LRRC4C: variants seen among roughly 807,000 people sequenced by gnomAD.
The protein encoded by LRRC4C is leucine rich repeat containing 4C.
In LRRC4C, 5 loss-of-function variants were observed where a neutral mutation model predicts 33.6. That is an observed-to-expected ratio of 0.15 (90% CI 0.08 to 0.31). LRRC4C has a LOEUF of 0.31. LRRC4C is among the 10% of genes least tolerant of loss of function. The pLI is 1.00. For synonymous variants in LRRC4C, 329 were observed against 302.0 expected, an observed-to-expected ratio of 1.09 and a Z score of -0.93; for missense variants, 560 against 796.7, an observed-to-expected ratio of 0.70 and a Z score of 3.58.
intron 1 of LRRC4C, among the ~76,000 whole-genome samples, chr11:41,313,629 T>A (rs1184302919): frequency 6.6e-6 from 1 of 152,204 alleles, no homozygotes. Flanking sequence ...CAAATGATTG[T>A]TAAAGGGTCT....
chr11:41,097,800 T>C (rs941680675), intron 1 of LRRC4C, among the ~76,000 whole-genome samples: 1 of 152,060 alleles, frequency 6.6e-6, no homozygotes, highest in African/African-American at 2.4e-5. Context: ...AAGGACTTAT[T>C]TCCTAAATCA....
intron 1 of LRRC4C, among the ~76,000 whole-genome samples, chr11:40,963,207 A>G (rs1317546101): frequency 6.6e-6 from 1 of 151,750 alleles, no homozygotes; most frequent in Non-Finnish European, 1.5e-5. Flanking sequence ...TGCTATGTTA[A>G]CATAACACCA....
chr11:40,768,327 C>G (rs9645638), intron 2 of LRRC4C, among the ~76,000 whole-genome samples: 11 of 151,806 alleles, frequency 7.2e-5, no homozygotes, highest in African/African-American at 2.7e-4. Flanking sequence ...TAATAACAAG[C>G]CTCCTGGCCA....
intron 2 of LRRC4C, among the ~76,000 whole-genome samples, chr11:40,739,029 A>ATGTG (rs746979119): frequency 0.059 from 8,145 of 137,220 alleles, 313 homozygotes; most frequent in African/African-American, 0.12. Context: ...GTGTGTGTGT[A>ATGTG]TGTGTGTGTG....
chr11:40,917,868 A>G (rs1029104941), intron 2 of LRRC4C, among the ~76,000 whole-genome samples: 2 of 152,148 alleles, frequency 1.3e-5, no homozygotes, highest in African/African-American at 4.8e-5. Flanking sequence ...TCACAGTTAC[A>G]CACAAAGTAG....
At chr11:41,205,332 G>T (rs1042472091) in intron 1 of LRRC4C, among the ~76,000 whole-genome samples, 1 of 152,136 alleles carries the variant, frequency 6.6e-6, no homozygotes, top group African/African-American at 2.4e-5. Flanking sequence ...TCTGATTATT[G>T]CATGGAGAAT....
chr11:40,687,904 G>C (rs951449114), intron 2 of LRRC4C, among the ~76,000 whole-genome samples: 1 of 151,866 alleles, frequency 6.6e-6, no homozygotes, highest in Non-Finnish European at 1.5e-5. Flanking sequence ...TTACTCAATA[G>C]CTAATTCACA....
intron 2 of LRRC4C, among the ~76,000 whole-genome samples, chr11:40,905,342 G>A (rs1334082169): frequency 2.6e-5 from 4 of 151,418 alleles, no homozygotes; most frequent in African/African-American, 9.7e-5. Flanking sequence ...CCTTATCCCA[G>A]AATATCCCCT....
chr11:40,119,065 G>C (rs1351830159), intron 6 of LRRC4C, among the ~76,000 whole-genome samples: 4 of 152,060 alleles, frequency 2.6e-5, no homozygotes, highest in Non-Finnish European at 1.5e-5. Flanking sequence ...CTCTTTTTTA[G>C]GACATGATCC....
At chr11:40,297,592 CT>C (rs1345918900) in intron 4 of LRRC4C, among the ~76,000 whole-genome samples, 7 of 151,700 alleles carry the variant, frequency 4.6e-5, no homozygotes, top group Non-Finnish European at 1.0e-4. Flanking sequence ...CAAATTTCTG[CT>C]TTTTTTTCAA....
chr11:41,248,614 C>A (rs1215802953), intron 1 of LRRC4C, among the ~76,000 whole-genome samples: 1 of 152,078 alleles, frequency 6.6e-6, no homozygotes, highest in Non-Finnish European at 1.5e-5. Flanking sequence ...CAGGAACCAC[C>A]CACAGATCTA....
intron 1 of LRRC4C, among the ~76,000 whole-genome samples, chr11:41,406,033 C>G (rs762325281): frequency 5.9e-5 from 9 of 151,988 alleles, no homozygotes; most frequent in Non-Finnish European, 1.2e-4. Flanking sequence ...ATTTTGGCAG[C>G]TTTTACATAA....
intron 3 of LRRC4C, among the ~76,000 whole-genome samples, chr11:40,495,357 G>A (rs1954376968): frequency 6.6e-6 from 1 of 151,950 alleles, no homozygotes; most frequent in Admixed American, 6.6e-5. Context: ...CTTCCCTGCA[G>A]CGCCACATAT....
At chr11:40,400,874 T>A (rs1180269867) in intron 3 of LRRC4C, among the ~76,000 whole-genome samples, 1 of 152,112 alleles carries the variant, frequency 6.6e-6, no homozygotes, top group Admixed American at 6.6e-5. Context: ...ACTTTCTCTA[T>A]CCCACACTAT....
chr11:40,960,345 T>A (rs1850890798), intron 1 of LRRC4C, among the ~76,000 whole-genome samples: 1 of 151,858 alleles, frequency 6.6e-6, no homozygotes, highest in African/African-American at 2.4e-5. Context: ...AGAAATTATT[T>A]GAACTTAGTA....
intron 1 of LRRC4C, among the ~76,000 whole-genome samples, chr11:41,268,185 A>G (rs1949211059): frequency 6.6e-6 from 1 of 152,138 alleles, no homozygotes; most frequent in African/African-American, 2.4e-5. Flanking sequence ...ATTATCTTAC[A>G]GAGCCCCAGT....
At chr11:40,199,277 G>T (rs1038956598) in intron 5 of LRRC4C, among the ~76,000 whole-genome samples, 9 of 152,042 alleles carry the variant, frequency 5.9e-5, no homozygotes, top group African/African-American at 2.2e-4. Flanking sequence ...CACAATGTTG[G>T]CCAGGCTGGC....
At chr11:41,133,852 A>C (rs1201404442) in intron 1 of LRRC4C, among the ~76,000 whole-genome samples, 1 of 152,152 alleles carries the variant, frequency 6.6e-6, no homozygotes, top group African/African-American at 2.4e-5. Flanking sequence ...AACAACTGCA[A>C]ATAAAAGAAT....
Position 41,406,706 on chromosome 11 carries a change from C to CCACACACA in LRRC4C, c.-496+52717_-496+52724dup, listed in dbSNP as rs112867786. ...CTCTTTCCTCTCCCCTACACATTCACCACACACACACACACACACACACAC... is the reference window on the plus strand; with the variant it reads ...CTCTTTCCTCTCCCCTACACATTCACCACACACACACACACACACACACACACACACAC... On this transcript the variant is annotated intron_variant, in intron 1 of 6. Coordinates refer to ENST00000528697, the MANE Select transcript of LRRC4C (RefSeq NM_001258419.2). 3.2e-3 allele frequency among the ~76,000 whole-genome samples: 438 copies of CCACACACA among 138,296 alleles called. 2 individuals carry two copies. The highest frequency in any genetic ancestry group is 0.011 in the South Asian group (46 of 4,092). The allele number at this position is 138,296 out of a possible 152,430, so 90.7% of individuals were successfully genotyped here. A position where few individuals can be genotyped will look rare whatever the true frequency, so the allele number is the denominator to read the frequency against.
Sources: gnomAD v4.1 joint callset for allele counts (sites outside exome capture counted in the v4.1 genomes callset) on GRCh38, gnomAD v4.1.1 for gene constraint, MANE v1.5 for transcripts, NCBI Gene and HGNC (gene_info 2026-07-23, HGNC 2026-07-21) for gene names.